Variants in VCP observed in about 807,000 individuals in gnomAD.
VCP encodes transitional endoplasmic reticulum ATPase.
In VCP, 6 loss-of-function variants were observed where a neutral mutation model predicts 85.7. That is an observed-to-expected ratio of 0.07 (90% CI 0.04 to 0.14). The LOEUF (loss-of-function observed/expected upper bound fraction) is 0.14. Among genes scored for constraint, VCP ranks in the 10% least tolerant of loss-of-function variants. The probability of loss-of-function intolerance (pLI) is 1.00; values close to 1 mark genes in which losing one functional copy is unlikely to be tolerated. For missense variants in VCP, 353 were observed against 1,043.4 expected, an observed-to-expected ratio of 0.34 and a Z score of 9.12; for synonymous variants, 384 against 367.1, an observed-to-expected ratio of 1.05 and a Z score of -0.53.
At chr9:35,060,014 C>G (rs1024356195) in intron 13 of VCP, 1 of 676,442 alleles carries the variant, frequency 1.5e-6, no homozygotes, top group African/African-American at 1.8e-5. Context: ...TGCCTATAGT[C>G]CCAGCTACTC....
In VCP at chr9:35,065,258, T is replaced by C. The variant is rs776154559; in HGVS notation, c.569A>G (p.Lys190Arg). 8 of 1,614,072 alleles carry C rather than the reference T, an allele frequency of 5.0e-6. No homozygotes were observed. In the African/African-American group the frequency reaches 5.3e-5, roughly 11 times the overall value. The change falls in exon 5 of 17, where the codon AAA becomes AGA. Residue 190 changes from lysine (K) to arginine (R), a missense_variant. Around this residue, in one of 8 missense-constraint regions of VCP, gnomAD observed 85 missense variants for 345.2 expected, o/e 0.25. Transcript: ENST00000358901. ...ATCAGGGAGAAAACTCACCTCTCGT[T>C]TGATAGGCTCCCCTTCGCAGTGGAT... ...TVIHCEGEPIKREDEEESLNE... is the reference protein window; with the variant it reads ...TVIHCEGEPIRREDEEESLNE...
At chr9:35,062,879 G>T in intron 7 of VCP, 99 bp downstream of exon 7, 2 of 1,055,300 alleles carry the variant, frequency 1.9e-6, no homozygotes, top group South Asian at 1.3e-5. Flanking sequence ...ACATGAAGGA[G>T]GGCATGGGTG....
intron 6 of VCP, among the ~76,000 whole-genome samples, 197 bp downstream of exon 6, chr9:35,063,952 CAATTT>C (rs1167624479): frequency 6.6e-6 from 1 of 152,168 alleles, no homozygotes; most frequent in African/African-American, 2.4e-5. Context: ...ACACAACAGA[CAATTT>C]GATTAGCCTA....
At chr9:35,060,654 G>T in intron 12 of VCP, 129 bp from the exon 13 acceptor site, 1 of 1,529,192 alleles carries the variant, frequency 6.5e-7, no homozygotes. Context: ...TCTAGAAGAA[G>T]ACTCCTTAGT....
In VCP at chr9:35,072,587, G is replaced by GGCAGCT; in HGVS notation, c.-235_-234insAGCTGC. On this transcript the variant is annotated 5_prime_UTR_variant, in exon 1 of 17. Transcript: ENST00000358901. Reference sequence around the variant, plus strand: ...TGGCAGTGGCAGCGGCAGCGGCAGCGACGACTCAAACGACGGTCGCAGACG... The same window carrying GGCAGCT: ...TGGCAGTGGCAGCGGCAGCGGCAGCGGCAGCTACGACTCAAACGACGGTCGCAGACG... 1 of 500,164 alleles carries GGCAGCT rather than the reference G, an allele frequency of 2.0e-6. No homozygotes were observed. The highest frequency in any genetic ancestry group is 3.2e-5 in the South Asian group (1 of 31,392). 31.0% of individuals were successfully genotyped at this position (500,164 alleles called of 1,614,324 possible). A position where few individuals can be genotyped will look rare whatever the true frequency, so the allele number is the denominator to read the frequency against.
In VCP at chr9:35,068,281, A is replaced by C; in HGVS notation, c.99T>G (p.Asn33Lys). ...PNRLIVDEAI[N>K]EDNSVVSLSQ... ...ACAAGGACACCACACTGTTGTCCTC[A>C]TTGATGGCTTCATCAACAATTAACC... Residue 33 changes from asparagine to lysine, a missense_variant, in exon 2 of 17, where the codon AAT (asparagine) becomes AAG (lysine). By Grantham distance (94) the Asn-to-Lys change is moderately conservative. Around this residue, in one of 8 missense-constraint regions of VCP, gnomAD observed 69 missense variants for 132.9 expected, o/e 0.52. Transcript: ENST00000358901. 1 of 1,614,192 alleles carries C rather than the reference A, an allele frequency of 6.2e-7. No individual in the cohort carries two copies. The highest frequency in any genetic ancestry group is 8.5e-7 in the Non-Finnish European group (1 of 1,180,012).
At chr9:35,061,806 A>C (rs144562700) in intron 9 of VCP, 117 bp from the exon 10 acceptor site, 1 of 1,396,156 alleles carries the variant, frequency 7.2e-7, no homozygotes, top group Non-Finnish European at 1.0e-6. Context: ...CAGCACTAAA[A>C]AAGTCTCAAG....
intron 4 of VCP, among the ~76,000 whole-genome samples, 180 bp from the exon 5 acceptor site, chr9:35,065,561 G>A (rs548320014): frequency 1.5e-4 from 23 of 152,274 alleles, no homozygotes; most frequent in African/African-American, 5.3e-4. Context: ...AGATGAGAAA[G>A]GTAAACTGTG....
intron 1 of VCP, 107 bp downstream of exon 1, chr9:35,072,230 G>C (rs999231265): frequency 2.7e-6 from 4 of 1,459,050 alleles, no homozygotes; most frequent in Non-Finnish European, 3.6e-6. Context: ...CTCTTTCCTG[G>C]TCTCCACCTC....
intron 6 of VCP, among the ~76,000 whole-genome samples, chr9:35,063,890 G>A (rs1012113906): frequency 6.6e-6 from 1 of 152,218 alleles, no homozygotes; most frequent in African/African-American, 2.4e-5. Context: ...TATTCTAAGA[G>A]TTGTAAAGAA....
chr9:35,062,872 T>C, intron 7 of VCP, 106 bp downstream of exon 7: 1 of 1,008,282 alleles, frequency 9.9e-7, no homozygotes, highest in East Asian at 2.4e-5. Context: ...GCTATAAACA[T>C]GAAGGAGGGC....
At position 35,061,195 on chromosome 9, in the gene VCP, T is replaced by C; in HGVS notation, c.1195-16A>G. ...CATTGGCTACCTGCAGAGAAAGATC[T>C]ACTTACTATGCTGCCTCAAAGACCC... On this transcript the variant is annotated splice_polypyrimidine_tract_variant and intron_variant, in intron 10 of 16. Coordinates refer to ENST00000358901, the MANE Select transcript of VCP (RefSeq NM_007126.5). The C allele has an allele frequency of 6.2e-7, 1 of 1,612,494 alleles. No homozygotes were observed. The highest frequency in any genetic ancestry group is 1.3e-5 in the African/African-American group (1 of 74,994).
chr9:35,072,185 C>T (rs1312401835), intron 1 of VCP, 152 bp downstream of exon 1: 13 of 1,425,814 alleles, frequency 9.1e-6, no homozygotes, highest in Non-Finnish European at 1.1e-5. Flanking sequence ...CCTGCCGGGT[C>T]CACGGCCCCT....
At chr9:35,066,198 T>C (rs1433654498) in intron 4 of VCP, among the ~76,000 whole-genome samples, 2 of 150,978 alleles carry the variant, frequency 1.3e-5, no homozygotes, top group African/African-American at 4.9e-5. Context: ...TGGGAGGCCA[T>C]GGCAGATGGA....
At chr9:35,060,550 C>CA in intron 12 of VCP, 25 bp from the exon 13 acceptor site, 1 of 1,609,378 alleles carries the variant, frequency 6.2e-7, no homozygotes, top group South Asian at 1.1e-5. Flanking sequence ...AAAGAGGGTT[C>CA]AAGGCTACCT....
chr9:35,071,626 T>A, intron 1 of VCP: 1 of 835,228 alleles, frequency 1.2e-6, no homozygotes, highest in Non-Finnish European at 1.4e-6. Context: ...AGTCATAACA[T>A]TAAGGAAAAC....
chr9:35,057,452 C>T lies in VCP; in HGVS notation c.2239G>A (p.Val747Ile). The T allele has an allele frequency of 6.2e-7, 1 of 1,614,232 alleles. No individual in the cohort carries two copies. Among genetic ancestry groups the T allele is most frequent in the Non-Finnish European group, 8.5e-7 (1 of 1,180,050 alleles). ...TACTTCCGAATGTCATTGTCACTGA[C>T]AGAACGGCGCGCAAAGCGCATGGCT... is the stretch of plus-strand genomic sequence containing the variant. ...EEAMRFARRS[V>I]SDNDIRKYEM... The change falls in exon 16 of 17, where the codon GTC (valine) becomes ATC (isoleucine). Residue 747 changes from valine (V) to isoleucine (I), a missense_variant. Val to Ile is a conservative substitution (Grantham distance 29). Around this residue, in one of 8 missense-constraint regions of VCP, gnomAD observed 93 missense variants for 197.1 expected, o/e 0.47. Transcript: ENST00000358901.
At chr9:35,057,336 A>T in intron 16 of VCP, 40 bp downstream of exon 16, 1 of 1,613,864 alleles carries the variant, frequency 6.2e-7, no homozygotes, top group Non-Finnish European at 8.5e-7. Flanking sequence ...TAGGTCCCCA[A>T]AGTAACTTAA....
Position 35,072,624 on chromosome 9 carries a change from C to T in VCP, c.-271G>A, listed in dbSNP as rs1438806641. 1 of 459,980 alleles carries T rather than the reference C, an allele frequency of 2.2e-6. No homozygotes were observed. Among genetic ancestry groups the T allele is most frequent in the Non-Finnish European group, 3.8e-6 (1 of 262,478 alleles). 28.5% of individuals were successfully genotyped at this position (459,980 alleles called of 1,614,324 possible). On this transcript the variant is annotated 5_prime_UTR_variant, in exon 1 of 17. Transcript: ENST00000358901. ...GACGGTCGCAGACGCTTCGCTGAGA[C>T]TGAGCCGAGAAGAGCCGAATCATCG...
Sources: allele counts gnomAD v4.1 joint callset (sites outside exome capture counted in the v4.1 genomes callset), GRCh38; gene constraint gnomAD v4.1.1; regional missense constraint gnomAD v4.1.1; transcripts MANE v1.5; gene names NCBI Gene and HGNC (gene_info 2026-07-23, HGNC 2026-07-21).